Variants in COL6A6 observed in about 807,000 individuals in gnomAD.
COL6A6 encodes the protein collagen type VI alpha 6 chain.
A neutral mutation model predicts 208.6 loss-of-function variants in COL6A6; 183 were observed. The ratio of observed to expected loss-of-function variants is 0.88; its 90% CI spans 0.78 to 0.99. The LOEUF (loss-of-function observed/expected upper bound fraction) is 0.99, where lower values mean the gene tolerates loss of function less well. Among genes scored for constraint, COL6A6 ranks in the 50% least tolerant of loss-of-function variants. The pLI, the probability that COL6A6 is intolerant of heterozygous loss-of-function variation, is 0.00. For synonymous variants in COL6A6, 973 were observed against 1,011.8 expected (o/e 0.96, Z 0.73); for missense variants, 2,816 against 2,815.2 (o/e 1.00, Z -0.01).
rs563670071 is a variant in COL6A6, at chr3:130,675,903, T to G, written c.*506T>G. 2.0e-5 allele frequency: 3 copies of G among 152,436 alleles called. No homozygotes were observed. In the East Asian group the frequency reaches 5.8e-4, roughly 29 times the overall value. The allele number at this position is 152,436 out of a possible 1,614,324, so 9.4% of individuals were successfully genotyped here. On this transcript the variant is annotated 3_prime_UTR_variant, in exon 37 of 37. Coordinates refer to ENST00000358511, the MANE Select transcript of COL6A6 (RefSeq NM_001102608.3). ...TTAAAACGTGACCTTCTATTCCACT[T>G]AAACACACCACTGTGGGAGTTGTTT...
chr3:130,658,305 A>T (rs2065849290), intron 33 of COL6A6, among the ~76,000 whole-genome samples: 1 of 152,234 alleles, frequency 6.6e-6, no homozygotes, highest in East Asian at 1.9e-4. Flanking sequence ...GATGATGAGC[A>T]TAACTCACTG....
At chr3:130,552,078 G>A (rs962569011) in intron 1 of COL6A6, among the ~76,000 whole-genome samples, 59 of 152,244 alleles carry the variant, frequency 3.9e-4, no homozygotes, top group African/African-American at 1.4e-3. Context: ...TGATTTTAGA[G>A]TATGTGCCAT....
At chr3:130,548,914 G>A (rs1346779535) in intron 1 of COL6A6, among the ~76,000 whole-genome samples, 1 of 152,154 alleles carries the variant, frequency 6.6e-6, no homozygotes, top group East Asian at 1.9e-4. Context: ...CCTTTCTTGT[G>A]TTACAGATCT....
chr3:130,561,265 C>G (rs2062875204), intron 2 of COL6A6, among the ~76,000 whole-genome samples: 1 of 152,204 alleles, frequency 6.6e-6, no homozygotes, highest in African/African-American at 2.4e-5. Context: ...ACAAATCAAG[C>G]CACCCACGGC....
chr3:130,667,884 G>A lies in COL6A6; in HGVS notation c.6596+2788G>A, dbSNP rs2066114376. Among the ~76,000 whole-genome samples the A allele has an allele frequency of 2.6e-5, 4 of 151,344 alleles. No individual in the cohort carries two copies. The South Asian group carries it at 8.3e-4, about 31-fold the overall frequency. On this transcript the variant is annotated intron_variant, in intron 36 of 36. Coordinates refer to ENST00000358511, the MANE Select transcript of COL6A6 (RefSeq NM_001102608.3). ...GGGATTAGGCTATTGAAAAACTTGA[G>A]ATGCTTAAAAAATGCATAACAAATT...
chr3:130,528,300 A>G lies in COL6A6; in HGVS notation c.-32+10903A>G, dbSNP rs116874442. Among the ~76,000 whole-genome samples the G allele has an allele frequency of 2.6e-5, 4 of 152,102 alleles. No individual in the cohort carries two copies. In the East Asian group the frequency reaches 7.7e-4, roughly 29 times the overall value. On this transcript the variant is annotated intron_variant, in intron 1 of 36. Transcript: ENST00000358511. ...ATGGGGCAGGGCTTTTCAAACTTTG[A>G]TGGGTATGCAGATCACCTGGGGACC...
intron 8 of COL6A6, among the ~76,000 whole-genome samples, chr3:130,577,987 A>G (rs2063334699): frequency 6.6e-6 from 1 of 152,228 alleles, no homozygotes; most frequent in Admixed American, 6.5e-5. Flanking sequence ...TTTAATAAAT[A>G]TACGTGGTAT....
chr3:130,616,606 T>C (rs957887209), intron 23 of COL6A6, among the ~76,000 whole-genome samples: 3 of 148,124 alleles, frequency 2.0e-5, no homozygotes, highest in Non-Finnish European at 4.5e-5. Context: ...CAAATTTCAA[T>C]TGAAGCTGTA....
At chr3:130,598,566 C>A in intron 19 of COL6A6, 136 bp downstream of exon 19, 1 of 640,066 alleles carries the variant, frequency 1.6e-6, no homozygotes, top group Non-Finnish European at 2.8e-6. Flanking sequence ...TTATTAGGAG[C>A]AAAATGATCT....
Position 130,661,942 on chromosome 3 carries a change from A to G in COL6A6, c.6136A>G (p.Arg2046Gly). ...CTACAGAAGTAAGCGCCTCATGAAG[A>G]GGCATGTGCACGAGTCAGTTAAACA... ...TTYRSKRLMK[R>G]HVHESVKQLN... The change falls in exon 35 of 37, where the codon AGG becomes GGG. Residue 2046 changes from arginine to glycine, a missense_variant. Physicochemically the swap from Arg to Gly is moderately radical, Grantham distance 125. Coordinates refer to ENST00000358511, the MANE Select transcript of COL6A6 (RefSeq NM_001102608.3). 6.2e-7 allele frequency: 1 copy of G among 1,614,030 alleles called. No individual in the cohort carries two copies. The highest frequency in any genetic ancestry group is 8.5e-7 in the Non-Finnish European group (1 of 1,179,886).
At chr3:130,583,620 T>C (rs1416927699) in intron 10 of COL6A6, among the ~76,000 whole-genome samples, 1 of 152,184 alleles carries the variant, frequency 6.6e-6, no homozygotes, top group Admixed American at 6.5e-5. Context: ...AAGAGAGAAA[T>C]CATGGCAATA....
intron 6 of COL6A6, among the ~76,000 whole-genome samples, chr3:130,570,417 A>T (rs1012670890): frequency 6.6e-6 from 1 of 152,224 alleles, no homozygotes; most frequent in Non-Finnish European, 1.5e-5. Context: ...AAATCTCAAG[A>T]TCGTGGCTAA....
At position 130,649,388 on chromosome 3, in the gene COL6A6, CT is replaced by C; in HGVS notation, c.5561del (p.Phe1854SerfsTer44). 6.2e-7 allele frequency: 1 copy of C among 1,612,924 alleles called. No individual in the cohort carries two copies. The highest frequency in any genetic ancestry group is 8.5e-7 in the Non-Finnish European group (1 of 1,179,486). ...CAATGCGGTTTATTTCCAGGAATGT[CT>C]TCAAGCGGACGCTTCCGGGGGCACA... ...RAMRFISRNVFKRTLPGAHTR... is the reference protein window; with the variant it reads ...RAMRFISRNVXKRTLPGAHTR... On this transcript the variant is annotated frameshift_variant, in exon 33 of 37. Coordinates refer to ENST00000358511, the MANE Select transcript of COL6A6 (RefSeq NM_001102608.3). LOFTEE classifies it high-confidence loss of function.
Position 130,649,364 on chromosome 3 carries a change from A to G in COL6A6, c.5535A>G (p.Ala1845=). 6.2e-7 allele frequency: 1 copy of G among 1,611,842 alleles called. No individual in the cohort carries two copies. The highest frequency in any genetic ancestry group is 1.1e-5 in the South Asian group (1 of 90,352). The change falls in exon 33 of 37, where the codon GCA becomes GCG. Residue 1845 remains alanine (A), a synonymous_variant. Coordinates refer to ENST00000358511, the MANE Select transcript of COL6A6 (RefSeq NM_001102608.3). ...RSSASREIGR[A]MRFISRNVFK... ...CTGCCAGCAGGGAGATTGGCAGAGC[A>G]ATGCGGTTTATTTCCAGGAATGTCT...
At position 130,593,053 on chromosome 3, in the gene COL6A6, C is replaced by G; in HGVS notation, c.4372-8C>G. 6.2e-7 allele frequency: 1 copy of G among 1,612,614 alleles called. No homozygotes were observed. The highest frequency in any genetic ancestry group is 2.2e-5 in the East Asian group (1 of 44,866). ...TGTACTCTGTTCTAATCATATCTAT[C>G]TTTTCAGGGAGAAGTTGGGGAAAAT... is the stretch of plus-strand genomic sequence containing the variant. On this transcript the variant is annotated splice_region_variant and splice_polypyrimidine_tract_variant and intron_variant, in intron 15 of 36. Transcript: ENST00000358511.
At chr3:130,620,614 G>C (rs13065658) in intron 23 of COL6A6, among the ~76,000 whole-genome samples, 1 of 152,062 alleles carries the variant, frequency 6.6e-6, no homozygotes, top group African/African-American at 2.4e-5. Flanking sequence ...ATGAAGGAAG[G>C]GGGAGAGATA....
chr3:130,567,407 C>A (rs1019253472), intron 5 of COL6A6, 145 bp downstream of exon 5: 2 of 668,402 alleles, frequency 3.0e-6, no homozygotes, highest in African/African-American at 1.8e-5. Flanking sequence ...TAGAACAAAG[C>A]TAAGAGCCCA....
intron 7 of COL6A6, 54 bp from the exon 8 acceptor site, chr3:130,573,902 A>G (rs1577747819): frequency 7.7e-7 from 1 of 1,295,560 alleles, no homozygotes; most frequent in East Asian, 2.3e-5. Context: ...CTCTTGGTGG[A>G]TTAAGGAAAG....
chr3:130,599,704 ACT>A, intron 19 of COL6A6, 51 bp from the exon 20 acceptor site: 3 of 1,588,330 alleles, frequency 1.9e-6, no homozygotes, highest in East Asian at 2.2e-5. Context: ...TTAAAGAGAA[ACT>A]CTGTCAATGC....
Sources: allele counts gnomAD v4.1 joint callset (sites outside exome capture counted in the v4.1 genomes callset), GRCh38; gene constraint gnomAD v4.1.1; transcripts MANE v1.5; gene names NCBI Gene and HGNC (gene_info 2026-07-23, HGNC 2026-07-21).